SLC44A5: variants seen among roughly 807,000 people sequenced by gnomAD.
The protein encoded by SLC44A5 is solute carrier family 44 member 5.
Under a neutral mutation model 101.8 loss-of-function variants are expected in SLC44A5, and 57 were observed. That is an observed-to-expected ratio of 0.56 (90% CI 0.45 to 0.70). SLC44A5 has a LOEUF of 0.70. Among genes scored for constraint, SLC44A5 ranks in the 30% least tolerant of loss-of-function variants. The pLI is 0.00. For synonymous variants in SLC44A5, 281 were observed against 290.9 expected, an observed-to-expected ratio of 0.97 and a Z score of 0.35; for missense variants, 737 against 853.1, an observed-to-expected ratio of 0.86 and a Z score of 1.70.
chr1:75,674,383 G>T, the SLC44A5 span, among the ~76,000 whole-genome samples: 1 of 148,176 alleles, frequency 6.7e-6, no homozygotes. Flanking sequence ...AAGAAAAAAG[G>T]ATTTTTTTTT....
At chr1:75,206,734 G>A (rs767927509) in intron 23 of SLC44A5, 1 of 1,398,552 alleles carries the variant, frequency 7.2e-7, no homozygotes, top group Non-Finnish European at 1.0e-6. Flanking sequence ...ATATGCAGCA[G>A]CCAAAGCAGG....
At chr1:75,640,840 G>A in the SLC44A5 span, among the ~76,000 whole-genome samples, 1 of 152,062 alleles carries the variant, frequency 6.6e-6, no homozygotes, top group Non-Finnish European at 1.5e-5. Context: ...CTTGTCTGGG[G>A]CTTCATGGCC....
At chr1:75,230,778 A>T (rs1198665750) in intron 12 of SLC44A5, among the ~76,000 whole-genome samples, 2 of 151,922 alleles carry the variant, frequency 1.3e-5, no homozygotes, top group Non-Finnish European at 2.9e-5. Flanking sequence ...CATCATGCCC[A>T]GCTAATTTTT....
chr1:75,320,395 G>T (rs979336345), intron 4 of SLC44A5, among the ~76,000 whole-genome samples: 11 of 152,046 alleles, frequency 7.2e-5, no homozygotes, highest in African/African-American at 2.7e-4. Context: ...TAATTAATTT[G>T]CCCTGTAGCA....
intron 2 of SLC44A5, 126 bp from the exon 3 acceptor site, chr1:75,396,747 A>T: frequency 1.4e-6 from 1 of 714,924 alleles, no homozygotes; most frequent in Non-Finnish European, 2.5e-6. Context: ...AACATAAGGC[A>T]GTTGGACTGG....
chr1:75,490,116 T>G (rs1330824981), intron 2 of SLC44A5, among the ~76,000 whole-genome samples: 1 of 152,268 alleles, frequency 6.6e-6, no homozygotes, highest in East Asian at 1.9e-4. Flanking sequence ...TATTTGTCTA[T>G]TATTTTAATA....
intron 3 of SLC44A5, among the ~76,000 whole-genome samples, chr1:75,347,422 A>G (rs1658325811): frequency 6.6e-6 from 1 of 152,132 alleles, no homozygotes. Context: ...TAACAAATAA[A>G]AACTACAGGT....
chr1:75,599,719 C>A (rs751018278), intron 1 of SLC44A5, among the ~76,000 whole-genome samples: 6 of 152,070 alleles, frequency 3.9e-5, no homozygotes, highest in Admixed American at 6.6e-5. Flanking sequence ...CACACACATA[C>A]AAACCATCCA....
At chr1:75,306,773 G>C (rs1654940866) in intron 4 of SLC44A5, among the ~76,000 whole-genome samples, 2 of 120,958 alleles carry the variant, frequency 1.7e-5, no homozygotes, top group South Asian at 2.5e-4. Context: ...CTTGCTCTGT[G>C]GCCCAGGCGG....
chr1:75,544,503 GCACA>G (rs139419647), intron 1 of SLC44A5, among the ~76,000 whole-genome samples: 8 of 150,022 alleles, frequency 5.3e-5, no homozygotes, highest in Middle Eastern at 3.5e-3. Flanking sequence ...GTGTGCATGT[GCACA>G]CACACACACA....
intron 23 of SLC44A5, chr1:75,205,118 C>T (rs1348923093): frequency 6.6e-6 from 1 of 152,186 alleles, no homozygotes; most frequent in East Asian, 1.9e-4. Context: ...AAGCCAAGAA[C>T]AAGCTGGTAG....
the SLC44A5 span, among the ~76,000 whole-genome samples, chr1:75,659,786 C>T: frequency 0.26 from 39,130 of 151,686 alleles, 5,379 homozygotes; most frequent in Middle Eastern, 0.36. Context: ...AAACTACAGA[C>T]CAATAATTCC....
chr1:75,221,322 A>G (rs1174319992), intron 14 of SLC44A5, among the ~76,000 whole-genome samples: 1 of 152,214 alleles, frequency 6.6e-6, no homozygotes, highest in Non-Finnish European at 1.5e-5. Flanking sequence ...TGTTGGCTTT[A>G]TAATAATGCT....
chr1:75,626,036 G>A, the SLC44A5 span, among the ~76,000 whole-genome samples: 2 of 152,086 alleles, frequency 1.3e-5, no homozygotes, highest in African/African-American at 2.4e-5. Context: ...TGAGAAAACC[G>A]GAAATGATTT....
chr1:75,668,853 G>A, the SLC44A5 span, among the ~76,000 whole-genome samples: 1 of 151,168 alleles, frequency 6.6e-6, no homozygotes, highest in Non-Finnish European at 1.5e-5. Flanking sequence ...AAACTAGCTG[G>A]GTGTGGTACA....
intron 3 of SLC44A5, among the ~76,000 whole-genome samples, chr1:75,394,603 G>A (rs1001114433): frequency 2.0e-5 from 3 of 152,242 alleles, no homozygotes; most frequent in African/African-American, 7.2e-5. Context: ...GAAGTGAAAC[G>A]AGCCACTGGC....
At chr1:75,263,859 T>C (rs995904439) in intron 6 of SLC44A5, among the ~76,000 whole-genome samples, 1 of 152,006 alleles carries the variant, frequency 6.6e-6, no homozygotes, top group Admixed American at 6.6e-5. Context: ...AAACCATCAT[T>C]CTCAGCAAAC....
chr1:75,598,771 T>C (rs1674800340), intron 1 of SLC44A5, among the ~76,000 whole-genome samples: 2 of 152,152 alleles, frequency 1.3e-5, no homozygotes, highest in Admixed American at 6.6e-5. Context: ...CTGGGGCCTA[T>C]TGAAGAGTGG....
chr1:75,641,877 TA>T, the SLC44A5 span: 14 of 1,556,596 alleles, frequency 9.0e-6, no homozygotes, highest in Non-Finnish European at 1.2e-5. Flanking sequence ...GTGATATATT[TA>T]AATAAGGAGA....
Sources: gnomAD v4.1 joint callset for allele counts (sites outside exome capture counted in the v4.1 genomes callset) on GRCh38, gnomAD v4.1.1 for gene constraint, MANE v1.5 for transcripts, NCBI Gene and HGNC (gene_info 2026-07-23, HGNC 2026-07-21) for gene names.